Variants in TTC27 observed in about 807,000 individuals in gnomAD.
The protein encoded by TTC27 is tetratricopeptide repeat domain 27.
TTC27 carries 79 observed loss-of-function variants against 115.9 expected under a neutral mutation model. The observed-to-expected ratio is 0.68, with a 90% CI of 0.57 to 0.82. The LOEUF (loss-of-function observed/expected upper bound fraction) is 0.82. Among genes scored for constraint, TTC27 ranks in the 40% least tolerant of loss-of-function variants. The probability of loss-of-function intolerance (pLI) is 0.00; values close to 1 mark genes in which losing one functional copy is unlikely to be tolerated. For synonymous variants in TTC27, 401 were observed against 356.0 expected (o/e 1.13, Z -1.42); for missense variants, 1,054 against 993.1 (o/e 1.06, Z -0.82).
At chr2:32,786,232 G>C (rs1439098529) in intron 15 of TTC27, among the ~76,000 whole-genome samples, 1 of 151,462 alleles carries the variant, frequency 6.6e-6, no homozygotes, top group African/African-American at 2.4e-5. Flanking sequence ...AGTGATTCTT[G>C]TGTCTCAGCC....
intron 9 of TTC27, among the ~76,000 whole-genome samples, chr2:32,700,357 C>T (rs1322975223): frequency 6.6e-6 from 1 of 152,082 alleles, no homozygotes. Flanking sequence ...TTTCACTCTG[C>T]AGACTTTTCC....
At chr2:32,813,576 G>A (rs1474408060) in intron 18 of TTC27, among the ~76,000 whole-genome samples, 1 of 152,122 alleles carries the variant, frequency 6.6e-6, no homozygotes, top group Non-Finnish European at 1.5e-5. Flanking sequence ...ACATGGTTTA[G>A]ATATTAATAC....
chr2:32,804,473 G>A (rs759134943), intron 16 of TTC27, among the ~76,000 whole-genome samples: 46 of 152,108 alleles, frequency 3.0e-4, no homozygotes, highest in Non-Finnish European at 3.7e-4. Flanking sequence ...TGATCTAAGC[G>A]CAGGGGAATT....
At chr2:32,725,326 T>C (rs941499036) in intron 10 of TTC27, among the ~76,000 whole-genome samples, 17 of 152,110 alleles carry the variant, frequency 1.1e-4, no homozygotes, top group Non-Finnish European at 4.4e-5. Context: ...CCTATGAGCC[T>C]GTAAAATCAA....
intron 10 of TTC27, among the ~76,000 whole-genome samples, chr2:32,726,493 G>T (rs190007957): frequency 8.6e-4 from 131 of 152,254 alleles, no homozygotes; most frequent in African/African-American, 2.8e-3. Flanking sequence ...AGTCACCTTT[G>T]CTCTAGTTCC....
chr2:32,768,035 A>G lies in TTC27; in HGVS notation c.1680+9516A>G, dbSNP rs941901081. ...ATCATATTGAAAGAATATATTCATT[A>G]GTAAAATATCAATGACATGGTATTA... On this transcript the variant is annotated intron_variant, in intron 13 of 19. Coordinates refer to ENST00000317907, the MANE Select transcript of TTC27 (RefSeq NM_017735.5). Among the ~76,000 whole-genome samples the G allele has an allele frequency of 2.0e-5, 3 of 152,262 alleles. No individual in the cohort carries two copies. The South Asian group carries it at 6.2e-4, about 32-fold the overall frequency.
chr2:32,766,545 T>C, intron 13 of TTC27: 1 of 403,912 alleles, frequency 2.5e-6, no homozygotes, highest in Non-Finnish European at 5.1e-6. Flanking sequence ...ACACAGCATT[T>C]ATCAGTTAAG....
At chr2:32,816,499 A>C (rs538295426) in intron 18 of TTC27, among the ~76,000 whole-genome samples, 3 of 152,272 alleles carry the variant, frequency 2.0e-5, no homozygotes, top group African/African-American at 7.2e-5. Flanking sequence ...ATTGGGCATT[A>C]TGTTTGTACA....
chr2:32,653,360 TGACGCA>T (rs1665200072), intron 5 of TTC27, among the ~76,000 whole-genome samples: 1 of 152,148 alleles, frequency 6.6e-6, no homozygotes, highest in Non-Finnish European at 1.5e-5. Flanking sequence ...TTTGGGAGGC[TGACGCA>T]GTGGATCACC....
chr2:32,694,869 G>C (rs1195586403), intron 9 of TTC27, among the ~76,000 whole-genome samples: 1 of 151,448 alleles, frequency 6.6e-6, no homozygotes, highest in Non-Finnish European at 1.5e-5. Flanking sequence ...TCTAGAGACA[G>C]GGTCTTGCTG....
intron 10 of TTC27, among the ~76,000 whole-genome samples, chr2:32,714,907 T>A (rs971155710): frequency 6.6e-6 from 1 of 152,210 alleles, no homozygotes; most frequent in Non-Finnish European, 1.5e-5. Context: ...TGACTGTTCA[T>A]GTCCTTTGCC....
chr2:32,659,486 C>G (rs1047569194), intron 5 of TTC27, among the ~76,000 whole-genome samples: 3 of 150,766 alleles, frequency 2.0e-5, no homozygotes, highest in Non-Finnish European at 4.4e-5. Flanking sequence ...ATATGTTTAA[C>G]TGTTGCAGAT....
intron 16 of TTC27, among the ~76,000 whole-genome samples, chr2:32,794,706 GA>G (rs1009252129): frequency 2.6e-5 from 4 of 151,470 alleles, no homozygotes; most frequent in Non-Finnish European, 5.9e-5. Flanking sequence ...ATGGACTAAG[GA>G]AAAAAAGAGA....
At chr2:32,820,260 G>A (rs906186713) in intron 19 of TTC27, among the ~76,000 whole-genome samples, 1 of 152,206 alleles carries the variant, frequency 6.6e-6, no homozygotes, top group Non-Finnish European at 1.5e-5. Flanking sequence ...ATTTCCAAAT[G>A]TTTTCAGCTG....
At chr2:32,743,440 G>T (rs1001224731) in intron 12 of TTC27, among the ~76,000 whole-genome samples, 2 of 152,076 alleles carry the variant, frequency 1.3e-5, no homozygotes, top group African/African-American at 4.8e-5. Flanking sequence ...AATCCTAGTG[G>T]TGCTTAGGGT....
chr2:32,736,610 A>G, intron 11 of TTC27, 84 bp from the exon 12 acceptor site: 1 of 1,501,658 alleles, frequency 6.7e-7, no homozygotes, highest in Non-Finnish European at 9.2e-7. Flanking sequence ...ACCCCTAAAA[A>G]GGCAGATTAG....
chr2:32,800,032 G>C (rs1422247843), intron 16 of TTC27, among the ~76,000 whole-genome samples: 1 of 152,202 alleles, frequency 6.6e-6, no homozygotes, highest in Non-Finnish European at 1.5e-5. Context: ...TAACCACTTT[G>C]TGCCTCAGTT....
At chr2:32,758,175 A>T (rs1035155023) in intron 12 of TTC27, 117 bp from the exon 13 acceptor site, 1 of 891,722 alleles carries the variant, frequency 1.1e-6, no homozygotes, top group African/African-American at 1.7e-5. Flanking sequence ...CAAATAAGAA[A>T]TCTCAAACGT....
intron 9 of TTC27, among the ~76,000 whole-genome samples, chr2:32,679,251 A>G (rs776323274): frequency 2.6e-5 from 4 of 152,228 alleles, no homozygotes; most frequent in Non-Finnish European, 4.4e-5. Context: ...ATAAATGTGG[A>G]CAGAGAAGAG....
Sources: allele counts gnomAD v4.1 joint callset (sites outside exome capture counted in the v4.1 genomes callset), GRCh38; gene constraint gnomAD v4.1.1; transcripts MANE v1.5; gene names NCBI Gene and HGNC (gene_info 2026-07-23, HGNC 2026-07-21).